The following PLXDC2 variants were observed in gnomAD, a reference collection of about 807,000 sequenced individuals.
PLXDC2 encodes the protein plexin domain containing 2, also known as plexin domain-containing protein 2.
In PLXDC2, 40 loss-of-function variants were observed where a neutral mutation model predicts 68.9. The observed-to-expected ratio is 0.58, with a 90% CI of 0.45 to 0.76. The LOEUF (loss-of-function observed/expected upper bound fraction) is 0.76, where lower values mean the gene tolerates loss of function less well. Among genes scored for constraint, PLXDC2 ranks in the 30% least tolerant of loss-of-function variants. PLXDC2 has a pLI of 0.00. For missense variants in PLXDC2, 644 were observed against 661.9 expected (o/e 0.97, Z 0.30); for synonymous variants, 243 against 234.2 (o/e 1.04, Z -0.34).
chr10:20,172,230 GAAAA>G (rs571463676), intron 7 of PLXDC2, among the ~76,000 whole-genome samples: 11 of 110,610 alleles, frequency 9.9e-5, no homozygotes, highest in South Asian at 3.1e-4. Context: ...TTGTGAAAAG[GAAAA>G]AAAAAAAAAA....
intron 1 of PLXDC2, among the ~76,000 whole-genome samples, chr10:19,977,938 GTC>G (rs1834486808): frequency 6.6e-6 from 1 of 152,160 alleles, no homozygotes; most frequent in Admixed American, 6.5e-5. Flanking sequence ...AGCACCTGGT[GTC>G]TCTCTGTTTT....
At chr10:20,073,708 C>T (rs905087761) in intron 4 of PLXDC2, among the ~76,000 whole-genome samples, 7 of 152,068 alleles carry the variant, frequency 4.6e-5, no homozygotes, top group African/African-American at 9.7e-5. Context: ...GCACTAGAAA[C>T]CTAGTTCTCT....
chr10:19,882,134 G>A (rs1837738894), intron 1 of PLXDC2, among the ~76,000 whole-genome samples: 1 of 152,156 alleles, frequency 6.6e-6, no homozygotes, highest in Non-Finnish European at 1.5e-5. Context: ...CCTAAATGAT[G>A]GAACTCCAGC....
At chr10:20,112,631 A>C (rs1395791339) in intron 4 of PLXDC2, among the ~76,000 whole-genome samples, 6 of 152,262 alleles carry the variant, frequency 3.9e-5, no homozygotes, top group Non-Finnish European at 7.3e-5. Context: ...CGGTGGATTT[A>C]TAACACTTAG....
At chr10:20,015,342 A>G (rs1012255780) in intron 2 of PLXDC2, among the ~76,000 whole-genome samples, 17 of 152,126 alleles carry the variant, frequency 1.1e-4, no homozygotes, top group Non-Finnish European at 1.5e-4. Context: ...GGCAATTTGT[A>G]TGTGTGTGCA....
At chr10:20,213,144 A>G (rs533766652) in intron 10 of PLXDC2, among the ~76,000 whole-genome samples, 1 of 152,150 alleles carries the variant, frequency 6.6e-6, no homozygotes, top group South Asian at 2.1e-4. Flanking sequence ...AATTCCATCT[A>G]GGTGTTATTT....
At chr10:20,219,490 C>T (rs1025765835) in intron 12 of PLXDC2, among the ~76,000 whole-genome samples, 6 of 152,172 alleles carry the variant, frequency 3.9e-5, no homozygotes, top group Admixed American at 1.3e-4. Flanking sequence ...ATTAGAAATA[C>T]AGCAAGTATG....
intron 4 of PLXDC2, among the ~76,000 whole-genome samples, chr10:20,075,979 G>C (rs1836438721): frequency 6.6e-6 from 1 of 152,126 alleles, no homozygotes; most frequent in African/African-American, 2.4e-5. Flanking sequence ...GGCTTTATTG[G>C]AAACACTGGC....
At chr10:20,056,408 T>C (rs1836000532) in intron 3 of PLXDC2, among the ~76,000 whole-genome samples, 1 of 152,170 alleles carries the variant, frequency 6.6e-6, no homozygotes, top group African/African-American at 2.4e-5. Flanking sequence ...CATGGAACCA[T>C]CTACCCCTGT....
intron 1 of PLXDC2, among the ~76,000 whole-genome samples, chr10:19,934,319 C>A (rs1442976578): frequency 2.0e-5 from 3 of 152,184 alleles, no homozygotes; most frequent in African/African-American, 7.2e-5. Flanking sequence ...GTTAAAATTA[C>A]TTTGAGGATT....
At chr10:19,913,265 G>C (rs1474283744) in intron 1 of PLXDC2, among the ~76,000 whole-genome samples, 5 of 152,070 alleles carry the variant, frequency 3.3e-5, no homozygotes, top group African/African-American at 4.8e-5. Context: ...GAGGTGTCAA[G>C]AGATCCGGGT....
intron 2 of PLXDC2, among the ~76,000 whole-genome samples, chr10:20,026,252 A>G (rs1046081220): frequency 6.6e-6 from 1 of 152,078 alleles, no homozygotes; most frequent in African/African-American, 2.4e-5. Flanking sequence ...TGCTGGCTAT[A>G]TATTTCTTAA....
At chr10:20,174,702 T>C (rs1297308894) in intron 7 of PLXDC2, among the ~76,000 whole-genome samples, 2 of 151,640 alleles carry the variant, frequency 1.3e-5, no homozygotes, top group African/African-American at 4.9e-5. Flanking sequence ...AAATGACGAG[T>C]TAATGGGTGC....
intron 2 of PLXDC2, among the ~76,000 whole-genome samples, chr10:20,016,252 A>G (rs1835207714): frequency 6.6e-6 from 1 of 152,210 alleles, no homozygotes; most frequent in African/African-American, 2.4e-5. Context: ...ATGTAGGGAA[A>G]GTAGTGTTTA....
intron 6 of PLXDC2, among the ~76,000 whole-genome samples, chr10:20,149,451 C>T (rs1376666594): frequency 6.6e-6 from 1 of 151,790 alleles, no homozygotes; most frequent in African/African-American, 2.4e-5. Context: ...GTTGATCAGG[C>T]TGGTCTTGAA....
chr10:19,986,532 T>A, intron 1 of PLXDC2, among the ~76,000 whole-genome samples: 1 of 142,814 alleles, frequency 7.0e-6, no homozygotes, highest in Non-Finnish European at 1.5e-5. Flanking sequence ...AAGATGTTGA[T>A]GGCTTAAAAA....
intron 1 of PLXDC2, among the ~76,000 whole-genome samples, chr10:19,880,587 G>A (rs946106354): frequency 2.6e-5 from 4 of 152,138 alleles, no homozygotes; most frequent in Admixed American, 6.6e-5. Context: ...AGCAAAACTC[G>A]AGATAAAAGG....
At chr10:19,870,691 G>T (rs916558218) in intron 1 of PLXDC2, among the ~76,000 whole-genome samples, 3 of 152,128 alleles carry the variant, frequency 2.0e-5, no homozygotes, top group Non-Finnish European at 4.4e-5. Flanking sequence ...CTCCCAAAGT[G>T]CTGGGATTAC....
At chr10:19,890,654 C>A (rs539898751) in intron 1 of PLXDC2, among the ~76,000 whole-genome samples, 1 of 123,750 alleles carries the variant, frequency 8.1e-6, no homozygotes, top group Non-Finnish European at 1.6e-5. Context: ...GGATTACAGG[C>A]GTGAGCCACC....
Sources: allele counts gnomAD v4.1 joint callset (sites outside exome capture counted in the v4.1 genomes callset), GRCh38; gene constraint gnomAD v4.1.1; transcripts MANE v1.5; gene names NCBI Gene and HGNC (gene_info 2026-07-23, HGNC 2026-07-21).